ADORA2A: variants seen among roughly 807,000 people sequenced by gnomAD.
ADORA2A encodes adenosine receptor A2a.
Under a neutral mutation model 18.4 loss-of-function variants are expected in ADORA2A, and 11 were observed. The ratio of observed to expected loss-of-function variants is 0.60; its 90% CI spans 0.38 to 0.99. The LOEUF (loss-of-function observed/expected upper bound fraction) is 0.99, where lower values mean the gene tolerates loss of function less well. ADORA2A is among the 50% of genes least tolerant of loss of function. ADORA2A has a pLI of 0.01. For synonymous variants in ADORA2A, 218 were observed against 237.3 expected, an observed-to-expected ratio of 0.92 and a Z score of 0.75; for missense variants, 449 against 556.1, an observed-to-expected ratio of 0.81 and a Z score of 1.94.
chr22:24,430,704 T>C (rs3761422), intron 1 of ADORA2A, among the ~76,000 whole-genome samples: 94,685 of 152,192 alleles, frequency 0.62, 29,674 homozygotes, highest in African/African-American at 0.67. Context: ...TCCACCTTGT[T>C]TGCCCCCAGC....
At chr22:24,431,730 G>A (rs1014208344) in intron 1 of ADORA2A, 5 of 350,218 alleles carry the variant, frequency 1.4e-5, no homozygotes. Flanking sequence ...TCAAAGAGGG[G>A]CAATTTAACG....
At chr22:24,428,948 T>C (rs2042961859) in intron 1 of ADORA2A, among the ~76,000 whole-genome samples, 1 of 152,218 alleles carries the variant, frequency 6.6e-6, no homozygotes, top group African/African-American at 2.4e-5. Context: ...ACATTTGTTA[T>C]GGAAAAGCAG....
Position 24,441,362 on chromosome 22 carries a change from C to T in ADORA2A, c.1112C>T (p.Ala371Val), listed in dbSNP as rs1368228423. The change falls in exon 3 of 3, where the codon GCC becomes GTC. Residue 371 changes from alanine (A) to valine (V), a missense_variant. Transcript: ENST00000337539. The stretch of plus-strand genomic sequence containing the variant: ...CTGGGGCTGGTGAGTGGAGGGAGTG[C>T]CCAAGAGTCCCAGGGGAACACGGGC... ...YALGLVSGGS[A>V]QESQGNTGLP... 6.3e-7 allele frequency: 1 copy of T among 1,585,074 alleles called. No homozygotes were observed. Among genetic ancestry groups the T allele is most frequent in the Non-Finnish European group, 8.6e-7 (1 of 1,164,934 alleles).
rs2043089643 is a variant in ADORA2A at position 24,433,329 on chromosome 22, G to A, written c.-76G>A. 4.2e-6 allele frequency: 6 copies of A among 1,421,132 alleles called. No individual in the cohort carries two copies. Among genetic ancestry groups the A allele is most frequent in the Non-Finnish European group, 5.7e-6 (6 of 1,050,240 alleles). The allele number at this position is 1,421,132 out of a possible 1,614,324, so 88.0% of individuals were successfully genotyped here. On this transcript the variant is annotated 5_prime_UTR_variant, in exon 2 of 3. Coordinates refer to ENST00000337539, the MANE Select transcript of ADORA2A (RefSeq NM_000675.6). Reference sequence around the variant, plus strand: ...CCTGGGCCGGGCTGGGAGCCAGGCGGGCGGCTGGGCTGCAGCAATGGACCG... The same window carrying A: ...CCTGGGCCGGGCTGGGAGCCAGGCGAGCGGCTGGGCTGCAGCAATGGACCG...
chr22:24,436,504 G>GA (rs1264509000), intron 2 of ADORA2A, among the ~76,000 whole-genome samples: 1 of 152,196 alleles, frequency 6.6e-6, no homozygotes, highest in Non-Finnish European at 1.5e-5. Flanking sequence ...AACTCTGTGA[G>GA]AAAGACTTCA....
At chr22:24,423,991 C>G (rs971273411), upstream of ADORA2A, 3 of 152,182 alleles carry the variant, frequency 2.0e-5, no homozygotes, top group African/African-American at 7.3e-5. Context: ...CGTGCGGGGT[C>G]CTGGGTGCCG....
intron 1 of ADORA2A, chr22:24,432,382 G>C (rs2043061331): frequency 6.5e-6 from 1 of 152,938 alleles, no homozygotes; most frequent in African/African-American, 2.4e-5. Flanking sequence ...GGTGCTGGTA[G>C]TTCCTGGGAG....
intron 1 of ADORA2A, chr22:24,431,101 G>C (rs1568944559): frequency 2.2e-6 from 1 of 456,526 alleles, no homozygotes; most frequent in Admixed American, 2.3e-5. Flanking sequence ...CTTGAGTGTG[G>C]CCAGGGATGG....
chr22:24,425,554 T>C (rs554623979), upstream of ADORA2A, among the ~76,000 whole-genome samples: 103 of 152,328 alleles, frequency 6.8e-4, 1 homozygote, highest in African/African-American at 2.4e-3. Flanking sequence ...AGCTGTGAGC[T>C]TTCCTGCTCC....
At position 24,441,153 on chromosome 22, in the gene ADORA2A, G is replaced by T; in HGVS notation, c.903G>T (p.Lys301Asn). Residue 301 changes from lysine to asparagine, a missense_variant, in exon 3 of 3, where the codon AAG becomes AAT. Transcript: ENST00000337539. ...GCGAGTTCCGCCAGACCTTCCGCAA[G>T]ATCATTCGCAGCCACGTCCTGAGGC... ...RIREFRQTFRKIIRSHVLRQQ... is the reference protein window; with the variant it reads ...RIREFRQTFRNIIRSHVLRQQ... The T allele has an allele frequency of 6.2e-7, 1 of 1,614,194 alleles. No individual in the cohort carries two copies. The highest frequency in any genetic ancestry group is 2.2e-5 in the East Asian group (1 of 44,896).
At position 24,433,115 on chromosome 22, in the gene ADORA2A, G is replaced by A. The variant is rs200219691; in HGVS notation, c.-274-16G>A. 8 of 536,380 alleles carry A rather than the reference G, an allele frequency of 1.5e-5. No homozygotes were observed. Among genetic ancestry groups the A allele is most frequent in the African/African-American group, 1.3e-4 (7 of 52,670 alleles). The allele number at this position is 536,380 out of a possible 1,614,324, so 33.2% of individuals were successfully genotyped here. ...TCTGCAGATGGTTCAGCTTCTCATC[G>A]GCTGTCCCTTTGCAGGTGCCTCAGG... On this transcript the variant is annotated splice_polypyrimidine_tract_variant and intron_variant, in intron 1 of 2. Transcript: ENST00000337539.
chr22:24,428,523 G>A (rs5751872), intron 1 of ADORA2A, among the ~76,000 whole-genome samples: 3,122 of 152,228 alleles, frequency 0.021, 128 homozygotes, highest in South Asian at 0.12. Context: ...TCCGCCAGTC[G>A]GTTCAGAAGT....
chr22:24,426,853 C>T (rs2042924020), upstream of ADORA2A, among the ~76,000 whole-genome samples: 1 of 152,192 alleles, frequency 6.6e-6, no homozygotes, highest in South Asian at 2.1e-4. Flanking sequence ...TCTCCCTTCA[C>T]CTTCTCCTCC....
intron 2 of ADORA2A, among the ~76,000 whole-genome samples, chr22:24,437,834 T>C (rs2043217200): frequency 6.6e-6 from 1 of 152,276 alleles, no homozygotes; most frequent in African/African-American, 2.4e-5. Flanking sequence ...GGGATTTCCA[T>C]ACTGTGTTCC....
intron 2 of ADORA2A, 28 bp from the exon 3 acceptor site, chr22:24,440,555 A>T: frequency 6.5e-7 from 1 of 1,529,156 alleles, no homozygotes; most frequent in Non-Finnish European, 8.8e-7. Context: ...GGCTTCTCAG[A>T]TCTCTGATGC....
At chr22:24,431,111 G>A (rs8141793) in intron 1 of ADORA2A, 14,815 of 456,724 alleles carry the variant, frequency 0.032, 350 homozygotes, top group Non-Finnish European at 0.048. Flanking sequence ...GCCAGGGATG[G>A]TGCCAGGAGA....
Position 24,441,849 on chromosome 22 carries a change from G to A in ADORA2A, c.*360G>A, listed in dbSNP as rs555620615. 13 of 204,582 alleles carry A rather than the reference G, an allele frequency of 6.4e-5. No homozygotes were observed. The East Asian group carries it at 1.2e-3, about 20-fold the overall frequency. 12.7% of individuals were successfully genotyped at this position (204,582 alleles called of 1,614,324 possible). A position where few individuals can be genotyped will look rare whatever the true frequency, so the allele number is the denominator to read the frequency against. On this transcript the variant is annotated 3_prime_UTR_variant, in exon 3 of 3. Transcript: ENST00000337539. ...AGACTGGCCTGGCCCTGAGACTGGG[G>A]AGTGGCTCCAACAGCCTCCTGCCAC...
At chr22:24,440,024 G>A (rs999524142) in intron 2 of ADORA2A, among the ~76,000 whole-genome samples, 2 of 152,092 alleles carry the variant, frequency 1.3e-5, no homozygotes, top group African/African-American at 2.4e-5. Context: ...GGGAAGAGAA[G>A]ACAGGGTATG....
intron 2 of ADORA2A, 135 bp from the exon 3 acceptor site, chr22:24,440,448 G>A (rs1003486867): frequency 5.2e-5 from 43 of 819,560 alleles, no homozygotes; most frequent in East Asian, 5.0e-4. Context: ...ATGCTGGGGC[G>A]AGGTGGCAGG....
Sources: gnomAD v4.1 joint callset for allele counts (sites outside exome capture counted in the v4.1 genomes callset) on GRCh38, gnomAD v4.1.1 for gene constraint, MANE v1.5 for transcripts, NCBI Gene and HGNC (gene_info 2026-07-23, HGNC 2026-07-21) for gene names.